CENPP: variants seen among roughly 807,000 people sequenced by gnomAD.
The protein encoded by CENPP is centromere protein P.
In CENPP, 24 loss-of-function variants were observed where a neutral mutation model predicts 35.6. That is an observed-to-expected ratio of 0.67 (90% confidence interval 0.49 to 0.95). The LOEUF (loss-of-function observed/expected upper bound fraction) is 0.95, where lower values mean the gene tolerates loss of function less well. CENPP is among the 40% of genes least tolerant of loss of function. The pLI is 0.00. For synonymous variants in CENPP, 120 were observed against 125.5 expected (o/e 0.96, Z 0.29); for missense variants, 332 against 345.3 (o/e 0.96, Z 0.31).
chr9:92,392,616 G>A (rs1446236229), intron 5 of CENPP, among the ~76,000 whole-genome samples: 1 of 151,714 alleles, frequency 6.6e-6, no homozygotes, highest in South Asian at 2.1e-4. Flanking sequence ...CTCCATGTCG[G>A]GTTGGGGGGA....
chr9:92,410,936 C>T (rs758623055), intron 5 of CENPP, among the ~76,000 whole-genome samples: 1 of 152,142 alleles, frequency 6.6e-6, no homozygotes, highest in Admixed American at 6.5e-5. Context: ...TTAAAAGTGT[C>T]ATGTCAGGCT....
At chr9:92,519,518 C>A (rs1412351885) in intron 5 of CENPP, among the ~76,000 whole-genome samples, 1 of 152,124 alleles carries the variant, frequency 6.6e-6, no homozygotes, top group African/African-American at 2.4e-5. Context: ...CATTTATGAA[C>A]AATTGATTTT....
At chr9:92,471,861 T>C (rs1845532356) in intron 5 of CENPP, among the ~76,000 whole-genome samples, 1 of 152,072 alleles carries the variant, frequency 6.6e-6, no homozygotes, top group African/African-American at 2.4e-5. Flanking sequence ...CGTTTCGCCA[T>C]GTTGGCCAGG....
intron 5 of CENPP, among the ~76,000 whole-genome samples, chr9:92,573,667 C>T (rs531703905): frequency 6.6e-6 from 1 of 152,352 alleles, no homozygotes; most frequent in African/African-American, 2.4e-5. Flanking sequence ...GCTTCTGCTG[C>T]CTTTTGTTCA....
chr9:92,511,803 T>C (rs17364181), intron 5 of CENPP, among the ~76,000 whole-genome samples: 4,898 of 152,314 alleles, frequency 0.032, 123 homozygotes, highest in South Asian at 0.073. Flanking sequence ...ATTGTTGGTG[T>C]CCTTACAGCA....
At chr9:92,335,590 T>G (rs1378814121) in intron 2 of CENPP, among the ~76,000 whole-genome samples, 2 of 152,042 alleles carry the variant, frequency 1.3e-5, no homozygotes, top group African/African-American at 4.8e-5. Context: ...CTTTTTTTTT[T>G]TTGTTTTGCA....
intron 1 of CENPP, among the ~76,000 whole-genome samples, chr9:92,329,361 T>G (rs1019087539): frequency 6.6e-6 from 1 of 151,950 alleles, no homozygotes; most frequent in African/African-American, 2.4e-5. Context: ...ATTTTTTGTA[T>G]TTTTACTAGA....
At chr9:92,445,827 G>A (rs1166794630) in intron 5 of CENPP, among the ~76,000 whole-genome samples, 1 of 151,376 alleles carries the variant, frequency 6.6e-6, no homozygotes, top group Non-Finnish European at 1.5e-5. Flanking sequence ...AGGTTGCAGT[G>A]AGCCGAGTTA....
intron 5 of CENPP, among the ~76,000 whole-genome samples, chr9:92,472,863 A>T (rs1845577758): frequency 6.6e-6 from 1 of 152,118 alleles, no homozygotes; most frequent in Admixed American, 6.5e-5. Flanking sequence ...AGGAAGCTGG[A>T]GGTTCTGCAG....
chr9:92,485,647 C>G (rs1187680128), intron 5 of CENPP, among the ~76,000 whole-genome samples: 2 of 152,160 alleles, frequency 1.3e-5, no homozygotes, highest in Non-Finnish European at 2.9e-5. Flanking sequence ...CAAATAAGAA[C>G]AGGGGAGGAC....
intron 5 of CENPP, chr9:92,516,894 T>C (rs1847761256): frequency 6.6e-6 from 1 of 152,232 alleles, no homozygotes; most frequent in Admixed American, 6.5e-5. Context: ...TGATCATCTG[T>C]GTGCATGGGA....
At chr9:92,345,926 G>T in intron 4 of CENPP, 139 bp downstream of exon 4, 2 of 571,282 alleles carry the variant, frequency 3.5e-6, no homozygotes, top group South Asian at 2.4e-5. Flanking sequence ...GCTTATATTT[G>T]AGCCCATATT....
intron 5 of CENPP, among the ~76,000 whole-genome samples, chr9:92,485,382 T>G (rs1475723773): frequency 2.0e-5 from 3 of 152,196 alleles, no homozygotes; most frequent in Admixed American, 2.0e-4. Flanking sequence ...TCACAAGTAA[T>G]TTACATGTTG....
At chr9:92,475,429 T>C (rs1248780161) in intron 5 of CENPP, among the ~76,000 whole-genome samples, 2 of 152,206 alleles carry the variant, frequency 1.3e-5, no homozygotes, top group Admixed American at 6.5e-5. Context: ...ATATACCTGA[T>C]TGATGATAAA....
chr9:92,535,011 T>C (rs558165051), intron 5 of CENPP, among the ~76,000 whole-genome samples: 31 of 152,270 alleles, frequency 2.0e-4, no homozygotes, highest in Non-Finnish European at 3.8e-4. Context: ...ATTGAGTGCT[T>C]AGGAGTGTGA....
intron 5 of CENPP, among the ~76,000 whole-genome samples, chr9:92,572,857 T>C (rs1342207333): frequency 1.3e-5 from 2 of 152,244 alleles, no homozygotes; most frequent in Non-Finnish European, 2.9e-5. Flanking sequence ...CAATCACTGA[T>C]ACCCTTTCTT....
intron 5 of CENPP, chr9:92,415,411 C>A (rs372233789): frequency 9.9e-6 from 16 of 1,613,396 alleles, no homozygotes; most frequent in Non-Finnish European, 1.1e-5. Flanking sequence ...TTGGTCCACA[C>A]GAATGTATGT....
intron 5 of CENPP, chr9:92,522,696 T>C (rs775117788): frequency 6.2e-7 from 1 of 1,614,174 alleles, no homozygotes; most frequent in Admixed American, 1.7e-5. Flanking sequence ...AAACTGTTGT[T>C]TGCTGAATTC....
At chr9:92,462,992 T>TG (rs1292073201) in intron 5 of CENPP, among the ~76,000 whole-genome samples, 2 of 152,146 alleles carry the variant, frequency 1.3e-5, no homozygotes, top group African/African-American at 2.4e-5. Context: ...CCTTAGGAAA[T>TG]GGGGAAGGTG....
Sources: allele counts gnomAD v4.1 joint callset (sites outside exome capture counted in the v4.1 genomes callset), GRCh38; gene constraint gnomAD v4.1.1; transcripts MANE v1.5; gene names NCBI Gene and HGNC (gene_info 2026-07-23, HGNC 2026-07-21).